The following FBP1 variants were observed in gnomAD, a reference collection of about 807,000 sequenced individuals.
FBP1 encodes the protein fructose-1,6-bisphosphatase 1.
Under a neutral mutation model 29.9 loss-of-function variants are expected in FBP1, and 22 were observed. The ratio of observed to expected loss-of-function variants is 0.74; its 90% CI spans 0.53 to 1.05. FBP1 has a LOEUF of 1.05. Among genes scored for constraint, FBP1 ranks in the 50% least tolerant of loss-of-function variants. FBP1 has a pLI of 0.00. For missense variants in FBP1, 345 were observed against 448.2 expected (o/e 0.77, Z 2.08); for synonymous variants, 175 against 178.6 (o/e 0.98, Z 0.16).
chr9:94,617,372 T>C (rs999619448), intron 3 of FBP1, among the ~76,000 whole-genome samples: 1 of 152,252 alleles, frequency 6.6e-6, no homozygotes, highest in African/African-American at 2.4e-5. Flanking sequence ...TCATAGCTTA[T>C]AGACCATTGA....
rs1239199479 is a variant in FBP1 at position 94,605,510 on chromosome 9, C to A, written c.772G>T (p.Val258Phe). 6.2e-7 allele frequency: 1 copy of A among 1,613,862 alleles called. No homozygotes were observed. Among genetic ancestry groups the A allele is most frequent in the Non-Finnish European group, 8.5e-7 (1 of 1,179,938 alleles). The change falls in exon 6 of 7, where the codon GTC becomes TTC. Residue 258 changes from valine (V) to phenylalanine (F), a missense_variant. Coordinates refer to ENST00000375326, the MANE Select transcript of FBP1 (RefSeq NM_000507.4). ...SMVADVHRTL[V>F]YGGIFLYPAN... ...GGGTACAGAAATATCCCTCCGTAGA[C>A]CAGAGTGCGATGAACATCAGCCACC...
chr9:94,640,209 G>C (rs982373584), upstream of FBP1: 2 of 152,254 alleles, frequency 1.3e-5, no homozygotes, highest in African/African-American at 2.4e-5. Flanking sequence ...AAAGGCCAGA[G>C]GGCTCCACCG....
intron 3 of FBP1, among the ~76,000 whole-genome samples, chr9:94,612,202 C>T (rs1383581181): frequency 6.6e-6 from 1 of 152,170 alleles, no homozygotes; most frequent in African/African-American, 2.4e-5. Flanking sequence ...CTCATTTTAA[C>T]AATCACCAGC....
At chr9:94,611,471 C>T (rs555803426) in intron 3 of FBP1, among the ~76,000 whole-genome samples, 1 of 152,154 alleles carries the variant, frequency 6.6e-6, no homozygotes, top group Admixed American at 6.5e-5. Context: ...TGCACATTCA[C>T]AGCCGGGGTC....
chr9:94,609,291 G>A (rs1827748305), intron 4 of FBP1, among the ~76,000 whole-genome samples: 1 of 152,030 alleles, frequency 6.6e-6, no homozygotes, highest in Non-Finnish European at 1.5e-5. Flanking sequence ...AAGCAATGTC[G>A]TCCACTGCTT....
intron 1 of FBP1, among the ~76,000 whole-genome samples, chr9:94,620,875 C>T (rs1017549522): frequency 8.5e-5 from 13 of 152,236 alleles, no homozygotes; most frequent in African/African-American, 2.4e-4. Flanking sequence ...AACAAACCTA[C>T]GCATTCTGCA....
chr9:94,621,071 G>A (rs1218581255), intron 1 of FBP1, among the ~76,000 whole-genome samples: 10 of 152,178 alleles, frequency 6.6e-5, no homozygotes, highest in Admixed American at 2.0e-4. Context: ...AAAAGTAGCC[G>A]GGTGTGGTGG....
chr9:94,639,597 G>A (rs1316207111), upstream of FBP1: 5 of 530,012 alleles, frequency 9.4e-6, no homozygotes, highest in Non-Finnish European at 1.7e-5. Flanking sequence ...CTTGCGCCCC[G>A]CCTACCCCGC....
At chr9:94,621,005 G>A (rs12551122) in intron 1 of FBP1, among the ~76,000 whole-genome samples, 68,514 of 151,690 alleles carry the variant, frequency 0.45, 15,860 homozygotes, top group East Asian at 0.78. Flanking sequence ...TGAGGTCAGG[G>A]GATCGAGACC....
intron 3 of FBP1, among the ~76,000 whole-genome samples, chr9:94,610,866 C>CT (rs5899227): frequency 0.42 from 59,706 of 143,722 alleles, 12,571 homozygotes; most frequent in Admixed American, 0.49. Context: ...TGATTTTCTT[C>CT]TTTTTTTTTT....
At chr9:94,635,186 A>C (rs1409558474) in intron 1 of FBP1, among the ~76,000 whole-genome samples, 1 of 151,780 alleles carries the variant, frequency 6.6e-6, no homozygotes, top group East Asian at 1.9e-4. Flanking sequence ...AGAGATGTGT[A>C]GTGTGGCCAA....
At chr9:94,620,914 ATAAT>A (rs1474188384) in intron 1 of FBP1, among the ~76,000 whole-genome samples, 1 of 152,194 alleles carries the variant, frequency 6.6e-6, no homozygotes, top group Non-Finnish European at 1.5e-5. Flanking sequence ...AAGTATAATA[ATAAT>A]TTTTTTAAAA....
At chr9:94,638,109 GAAAAAGAAAAT>G (rs1563991025) in intron 1 of FBP1, among the ~76,000 whole-genome samples, 1 of 82,080 alleles carries the variant, frequency 1.2e-5, no homozygotes, top group Non-Finnish European at 3.4e-5. Flanking sequence ...AAAAAGAAAA[GAAAAAGAAAAT>G]ACCTGTGCAC....
intron 1 of FBP1, among the ~76,000 whole-genome samples, chr9:94,627,836 T>G (rs1021707250): frequency 4.6e-5 from 7 of 152,148 alleles, no homozygotes; most frequent in Admixed American, 1.3e-4. Flanking sequence ...AAAAAAGCCC[T>G]CCCCAGGCCA....
intron 1 of FBP1, among the ~76,000 whole-genome samples, chr9:94,627,580 G>A (rs1200503165): frequency 6.6e-6 from 1 of 152,118 alleles, no homozygotes; most frequent in East Asian, 1.9e-4. Context: ...CCCGTCTGAA[G>A]TTCTAGGAAG....
chr9:94,609,506 A>G (rs751164963), intron 4 of FBP1, among the ~76,000 whole-genome samples: 4 of 152,212 alleles, frequency 2.6e-5, no homozygotes, highest in Non-Finnish European at 5.9e-5. Context: ...AACCATTAAT[A>G]GAAGCCTTGG....
intron 3 of FBP1, among the ~76,000 whole-genome samples, chr9:94,617,524 A>G (rs1563983099): frequency 6.6e-6 from 1 of 152,218 alleles, no homozygotes; most frequent in African/African-American, 2.4e-5. Context: ...AAAGTAAGAC[A>G]TAGTAAAAAG....
chr9:94,623,088 G>A (rs539988464), intron 1 of FBP1, among the ~76,000 whole-genome samples: 4 of 152,190 alleles, frequency 2.6e-5, no homozygotes, highest in African/African-American at 7.2e-5. Flanking sequence ...AGGTTCAAGC[G>A]ATTCTCGTGC....
At chr9:94,620,924 T>TA (rs1489023120) in intron 1 of FBP1, among the ~76,000 whole-genome samples, 61 of 152,248 alleles carry the variant, frequency 4.0e-4, no homozygotes, top group African/African-American at 1.3e-3. Context: ...ATAATTTTTT[T>TA]AAAAAAGGGC....
Sources: allele counts gnomAD v4.1 joint callset (sites outside exome capture counted in the v4.1 genomes callset), GRCh38; gene constraint gnomAD v4.1.1; transcripts MANE v1.5; gene names NCBI Gene and HGNC (gene_info 2026-07-23, HGNC 2026-07-21).